Variants in BRINP3 observed in about 807,000 individuals in gnomAD.
The protein encoded by BRINP3 is BMP/retinoic acid inducible neural specific 3.
Under a neutral mutation model 71.0 loss-of-function variants are expected in BRINP3, and 19 were observed. The observed-to-expected ratio is 0.27, with a 90% CI of 0.19 to 0.39. The LOEUF (loss-of-function observed/expected upper bound fraction) is 0.39, where lower values mean the gene tolerates loss of function less well. Ranked by LOEUF, BRINP3 falls within the 10% of genes least tolerant of loss-of-function variation. The probability of loss-of-function intolerance (pLI) is 1.00; values close to 1 mark genes in which losing one functional copy is unlikely to be tolerated. For synonymous variants in BRINP3, 380 were observed against 337.7 expected, an observed-to-expected ratio of 1.13 and a Z score of -1.37; for missense variants, 959 against 940.8, an observed-to-expected ratio of 1.02 and a Z score of -0.25.
intron 6 of BRINP3, among the ~76,000 whole-genome samples, chr1:190,201,646 T>G (rs1655012248): frequency 6.6e-6 from 1 of 152,198 alleles, no homozygotes; most frequent in African/African-American, 2.4e-5. Flanking sequence ...CAAGGTCACA[T>G]GCTGTGTGTA....
At chr1:190,123,547 A>G (rs1019886797) in intron 7 of BRINP3, among the ~76,000 whole-genome samples, 1 of 152,140 alleles carries the variant, frequency 6.6e-6, no homozygotes, top group African/African-American at 2.4e-5. Flanking sequence ...AGTACAACTT[A>G]TATTAAGTTA....
At chr1:190,392,373 T>C (rs957991081) in intron 2 of BRINP3, among the ~76,000 whole-genome samples, 1 of 151,614 alleles carries the variant, frequency 6.6e-6, no homozygotes, top group South Asian at 2.1e-4. Context: ...AACATTTCTG[T>C]GATGTAGATA....
At chr1:190,417,339 T>A (rs1279975453) in intron 2 of BRINP3, among the ~76,000 whole-genome samples, 1 of 152,110 alleles carries the variant, frequency 6.6e-6, no homozygotes, top group East Asian at 1.9e-4. Context: ...CAGAAATACA[T>A]ATTTTGTGCA....
chr1:190,258,281 A>T (rs1227026771), intron 4 of BRINP3, among the ~76,000 whole-genome samples: 2 of 152,252 alleles, frequency 1.3e-5, no homozygotes, highest in Middle Eastern at 3.4e-3. Flanking sequence ...TGGGCATGGG[A>T]CCTCACTGAG....
chr1:190,116,675 T>C (rs1653160608), intron 7 of BRINP3, among the ~76,000 whole-genome samples: 1 of 152,044 alleles, frequency 6.6e-6, no homozygotes, highest in African/African-American at 2.4e-5. Context: ...CCTAATAGAT[T>C]TTCTGATCCA....
intron 7 of BRINP3, among the ~76,000 whole-genome samples, chr1:190,101,383 T>G (rs1256767021): frequency 3.3e-5 from 5 of 152,172 alleles, no homozygotes; most frequent in African/African-American, 4.8e-5. Context: ...ACAGAATATA[T>G]GTGCAAAAAG....
chr1:190,152,044 A>G (rs1305480693), intron 7 of BRINP3, among the ~76,000 whole-genome samples: 1 of 152,098 alleles, frequency 6.6e-6, no homozygotes, highest in Non-Finnish European at 1.5e-5. Context: ...TTTGGCATGC[A>G]TGTGTTGTAG....
intron 2 of BRINP3, among the ~76,000 whole-genome samples, chr1:190,331,517 G>T (rs1666963199): frequency 6.6e-6 from 1 of 151,994 alleles, no homozygotes; most frequent in Admixed American, 6.6e-5. Context: ...GTTTGCTGTT[G>T]TTCTGTTCAT....
intron 4 of BRINP3, among the ~76,000 whole-genome samples, chr1:190,262,805 A>T (rs116005300): frequency 1.3e-5 from 2 of 152,142 alleles, no homozygotes; most frequent in African/African-American, 4.8e-5. Flanking sequence ...TATAGACTTA[A>T]TGAATCATCA....
rs775536383 is a variant in BRINP3, at chr1:190,457,919, TA to T, written c.-50-2980del. ...TTTCATAGTCTTCATATCCCCTCAT[TA>T]AAAAAAAAAAAAACTATATTGTGTA... On this transcript the variant is annotated intron_variant, in intron 1 of 7. Coordinates refer to ENST00000367462, the MANE Select transcript of BRINP3 (RefSeq NM_199051.3). Among the ~76,000 whole-genome samples, 1,012 of 138,704 alleles carry T rather than the reference TA, an allele frequency of 7.3e-3. 6 individuals carry two copies. Among genetic ancestry groups the T allele is most frequent in the African/African-American group, 0.017 (639 of 38,016 alleles). 91.0% of individuals were successfully genotyped at this position (138,704 alleles called of 152,430 possible). A position where few individuals can be genotyped will look rare whatever the true frequency, so the allele number is the denominator to read the frequency against.
intron 2 of BRINP3, among the ~76,000 whole-genome samples, chr1:190,383,509 T>C (rs1360372546): frequency 1.3e-5 from 2 of 152,110 alleles, no homozygotes; most frequent in African/African-American, 2.4e-5. Flanking sequence ...AAGTTACTCA[T>C]ATGAGATTCA....
intron 2 of BRINP3, among the ~76,000 whole-genome samples, chr1:190,392,879 A>G (rs908139917): frequency 1.3e-5 from 2 of 151,666 alleles, no homozygotes; most frequent in African/African-American, 2.4e-5. Context: ...GCTATTAGTA[A>G]AATGAAATAC....
intron 1 of BRINP3, among the ~76,000 whole-genome samples, chr1:190,469,629 A>C (rs972990090): frequency 6.6e-6 from 1 of 150,976 alleles, no homozygotes; most frequent in Non-Finnish European, 1.5e-5. Context: ...GTTTCAAACC[A>C]TCAGAAATAT....
At position 190,405,493 on chromosome 1, in the gene BRINP3, C is replaced by CA. The variant is rs1491336288; in HGVS notation, c.236+49161_236+49162insT. On this transcript the variant is annotated intron_variant, in intron 2 of 7. Transcript: ENST00000367462. ...AAAAAAAAAAAAAAAAAAAAAAAAACCAGAATCAGAAGCGTGACATATCAT... is the reference window on the plus strand; with the variant it reads ...AAAAAAAAAAAAAAAAAAAAAAAAACACAGAATCAGAAGCGTGACATATCAT... 2.6e-5 allele frequency among the ~76,000 whole-genome samples: 2 copies of CA among 78,260 alleles called. 1 individual carries two copies. Among genetic ancestry groups the CA allele is most frequent in the African/African-American group, 1.1e-4 (2 of 18,114 alleles). The allele number at this position is 78,260 out of a possible 152,430, so 51.3% of individuals were successfully genotyped here.
chr1:190,241,637 T>A (rs557265552), intron 4 of BRINP3, among the ~76,000 whole-genome samples: 10 of 152,058 alleles, frequency 6.6e-5, no homozygotes, highest in Non-Finnish European at 1.2e-4. Context: ...CCAAATGAAT[T>A]AACTTTTATT....
chr1:190,121,463 A>T (rs1051827807), intron 7 of BRINP3, among the ~76,000 whole-genome samples: 4 of 152,188 alleles, frequency 2.6e-5, no homozygotes, highest in African/African-American at 7.2e-5. Flanking sequence ...AACAGATATC[A>T]AATGTTTATG....
At chr1:190,411,832 G>A (rs1452440719) in intron 2 of BRINP3, among the ~76,000 whole-genome samples, 4 of 152,170 alleles carry the variant, frequency 2.6e-5, no homozygotes, top group Non-Finnish European at 5.9e-5. Flanking sequence ...GTTTAGAGAA[G>A]TGAAAGAAAG....
chr1:190,267,698 T>C (rs928466787), intron 3 of BRINP3, among the ~76,000 whole-genome samples: 1 of 151,706 alleles, frequency 6.6e-6, no homozygotes, highest in African/African-American at 2.4e-5. Flanking sequence ...AAAAAGAAAA[T>C]TACATAACGA....
chr1:190,135,118 C>A (rs906886849), intron 7 of BRINP3, among the ~76,000 whole-genome samples: 4 of 152,040 alleles, frequency 2.6e-5, no homozygotes, highest in Admixed American at 2.0e-4. Flanking sequence ...TAGATGAATT[C>A]TCCTGGTTGA....
Sources: allele counts gnomAD v4.1 joint callset (sites outside exome capture counted in the v4.1 genomes callset), GRCh38; gene constraint gnomAD v4.1.1; transcripts MANE v1.5; gene names NCBI Gene and HGNC (gene_info 2026-07-23, HGNC 2026-07-21).